AGO3: variants seen among roughly 807,000 people sequenced by gnomAD.
AGO3 encodes the protein argonaute RISC catalytic component 3, also known as protein argonaute-3.
In AGO3, 16 loss-of-function variants were observed where a neutral mutation model predicts 105.5. The observed-to-expected ratio is 0.15, with a 90% confidence interval of 0.10 to 0.23. AGO3 has a LOEUF of 0.23. AGO3 is among the 10% of genes least tolerant of loss of function. AGO3 has a pLI of 1.00. For synonymous variants in AGO3, 340 were observed against 367.3 expected, an observed-to-expected ratio of 0.93 and a Z score of 0.85; for missense variants, 534 against 1,088.0, an observed-to-expected ratio of 0.49 and a Z score of 7.16.
At chr1:35,990,047 T>C (rs1402023844) in intron 5 of AGO3, among the ~76,000 whole-genome samples, 1 of 152,168 alleles carries the variant, frequency 6.6e-6, no homozygotes, top group Non-Finnish European at 1.5e-5. Flanking sequence ...GTTGGTAGTA[T>C]CATCAACTGA....
At position 36,002,440 on chromosome 1, in the gene AGO3, A is replaced by G. The variant is rs370379169; in HGVS notation, c.659-1901A>G. Among the ~76,000 whole-genome samples the G allele has an allele frequency of 1.1e-4, 15 of 139,496 alleles. No individual in the cohort carries two copies. The East Asian group carries it at 2.8e-3, about 26-fold the overall frequency. The allele number at this position is 139,496 out of a possible 152,430, so 91.5% of individuals were successfully genotyped here. A position where few individuals can be genotyped will look rare whatever the true frequency, so the allele number is the denominator to read the frequency against. ...GGCCTCCCAGGTTCAAGCGATTCTC[A>G]TGCCTCAGCCTCCTGAGTAGCTGGG... On this transcript the variant is annotated intron_variant, in intron 5 of 18. Transcript: ENST00000373191.
At chr1:36,010,161 C>G (rs541897196) in intron 9 of AGO3, among the ~76,000 whole-genome samples, 32 of 151,852 alleles carry the variant, frequency 2.1e-4, no homozygotes, top group Non-Finnish European at 4.3e-4. Flanking sequence ...GGATGGTCTC[C>G]ATCTCCTGAC....
At chr1:36,045,645 C>T (rs1164735066) in intron 17 of AGO3, among the ~76,000 whole-genome samples, 2 of 151,924 alleles carry the variant, frequency 1.3e-5, no homozygotes, top group African/African-American at 4.8e-5. Flanking sequence ...CAGGTTCAAG[C>T]GATTCTTCTG....
chr1:36,009,026 C>T lies in AGO3; in HGVS notation c.1011C>T (p.His337=), dbSNP rs1457951267. The T allele has an allele frequency of 1.9e-6, 3 of 1,567,900 alleles. No individual in the cohort carries two copies. In the East Asian group the frequency reaches 7.1e-5, roughly 37 times the overall value. ...TGCAAGTCGGGCAGGAACAGAAACA[C>T]ACCTACCTGCCACTAGAAGTAATGC... ...PCLQVGQEQK[H]TYLPLEVCNI... is the part of the protein sequence containing the mutation. Residue 337 remains histidine, a synonymous_variant, in exon 8 of 19, where the codon CAC becomes CAT. Coordinates refer to ENST00000373191, the MANE Select transcript of AGO3 (RefSeq NM_024852.4).
chr1:36,025,421 AAC>A (rs1199993653), intron 11 of AGO3, among the ~76,000 whole-genome samples: 1,931 of 151,640 alleles, frequency 0.013, 32 homozygotes, highest in African/African-American at 0.044. Context: ...AAAAAAAAAA[AAC>A]AAAACCATTT....
At chr1:35,952,918 C>T (rs991688743) in intron 2 of AGO3, among the ~76,000 whole-genome samples, 2 of 152,086 alleles carry the variant, frequency 1.3e-5, no homozygotes, top group Admixed American at 1.3e-4. Flanking sequence ...GAATAATATT[C>T]CATTGTATGG....
intron 2 of AGO3, among the ~76,000 whole-genome samples, 200 bp from the exon 3 acceptor site, chr1:35,966,755 T>A (rs1032115978): frequency 6.6e-6 from 1 of 152,216 alleles, no homozygotes; most frequent in African/African-American, 2.4e-5. Flanking sequence ...CTTCTCTGTC[T>A]AGTGAAATGT....
chr1:35,997,451 TGCA>T (rs571224007), intron 5 of AGO3, among the ~76,000 whole-genome samples: 98 of 152,272 alleles, frequency 6.4e-4, no homozygotes, highest in African/African-American at 2.4e-3. Context: ...CAAAATGTTG[TGCA>T]GCAGCAGCAA....
chr1:35,994,180 C>T (rs971790305), intron 5 of AGO3, among the ~76,000 whole-genome samples: 2 of 148,244 alleles, frequency 1.3e-5, no homozygotes, highest in Non-Finnish European at 3.0e-5. Flanking sequence ...AACTCCTGGG[C>T]TCAAGCAATT....
At chr1:36,003,814 C>A (rs1299546173) in intron 5 of AGO3, among the ~76,000 whole-genome samples, 4 of 146,848 alleles carry the variant, frequency 2.7e-5, no homozygotes, top group Non-Finnish European at 6.0e-5. Context: ...ACAGGGAAAA[C>A]TCTCTTTAGA....
intron 8 of AGO3, among the ~76,000 whole-genome samples, 179 bp downstream of exon 8, chr1:36,009,223 A>G (rs1640476243): frequency 6.6e-6 from 1 of 152,036 alleles, no homozygotes; most frequent in African/African-American, 2.4e-5. Flanking sequence ...CCATAATCCT[A>G]CCACTCTAAT....
chr1:36,007,104 C>T (rs1640371330), intron 6 of AGO3, among the ~76,000 whole-genome samples: 1 of 152,160 alleles, frequency 6.6e-6, no homozygotes, highest in South Asian at 2.1e-4. Context: ...TCTAGTCATG[C>T]CTATCAGTTT....
chr1:36,032,662 G>C (rs1317462990), intron 12 of AGO3, among the ~76,000 whole-genome samples: 2 of 151,746 alleles, frequency 1.3e-5, no homozygotes, highest in Non-Finnish European at 2.9e-5. Context: ...TTACAGGTGT[G>C]AGACATTGCA....
At position 36,055,229 on chromosome 1, in the gene AGO3, G is replaced by C. The variant is rs770736938; in HGVS notation, c.2474+84G>C. On this transcript the variant is annotated intron_variant, in intron 18 of 18. Coordinates refer to ENST00000373191, the MANE Select transcript of AGO3 (RefSeq NM_024852.4). This position sits in a 1 kb window ranked among gnomAD's most constrained non-coding sequence, Gnocchi z 4.4. ...TTTTCAAGTTCCACAAGCTATTAGC[G>C]GAGTCAGTGATCCATGTGAAAAATG... 77 of 1,408,754 alleles carry C rather than the reference G, an allele frequency of 5.5e-5. No individual in the cohort carries two copies. The highest frequency in any genetic ancestry group is 8.0e-5 in the Admixed American group (4 of 49,844). 87.3% of individuals were successfully genotyped at this position (1,408,754 alleles called of 1,614,324 possible). A position where few individuals can be genotyped will look rare whatever the true frequency, so the allele number is the denominator to read the frequency against.
intron 1 of AGO3, among the ~76,000 whole-genome samples, chr1:35,934,746 G>A (rs1646118337): frequency 6.6e-6 from 1 of 152,022 alleles, no homozygotes; most frequent in African/African-American, 2.4e-5. Flanking sequence ...TGCCTCCTGG[G>A]TTCAAGTGAT....
In AGO3 at chr1:36,027,017, G is replaced by A. The variant is rs538844679; in HGVS notation, c.1407-97G>A. 1 of 1,373,252 alleles carries A rather than the reference G, an allele frequency of 7.3e-7. No homozygotes were observed. Among genetic ancestry groups the A allele is most frequent in the East Asian group, 2.3e-5 (1 of 43,376 alleles). The allele number at this position is 1,373,252 out of a possible 1,614,324, so 85.1% of individuals were successfully genotyped here. A position where few individuals can be genotyped will look rare whatever the true frequency, so the allele number is the denominator to read the frequency against. ...TCATATATGAAGCACACAAATCTTT[G>A]CTTCATCCTTCCATTCCCTTCCCAA... On this transcript the variant is annotated intron_variant, in intron 11 of 18. Coordinates refer to ENST00000373191, the MANE Select transcript of AGO3 (RefSeq NM_024852.4). The surrounding 1 kb of genome is among the most constrained non-coding windows in gnomAD (Gnocchi z 4.0).
At position 36,063,540 on chromosome 1, in the gene AGO3, C is replaced by T. The variant is rs1643050321; in HGVS notation, c.*7795C>T. On this transcript the variant is annotated 3_prime_UTR_variant, in exon 19 of 19. Coordinates refer to ENST00000373191, the MANE Select transcript of AGO3 (RefSeq NM_024852.4). ...AATTTGTTATATGGAAGATTTGCTACCCTGATCTTTTCCCTAGCATACTTC... is the reference window on the plus strand; with the variant it reads ...AATTTGTTATATGGAAGATTTGCTATCCTGATCTTTTCCCTAGCATACTTC... The T allele has an allele frequency of 6.6e-6, 1 of 152,086 alleles. No homozygotes were observed. Among genetic ancestry groups the T allele is most frequent in the South Asian group, 2.1e-4 (1 of 4,818 alleles). 9.4% of individuals were successfully genotyped at this position (152,086 alleles called of 1,614,324 possible).
chr1:35,931,263 C>G lies in AGO3; in HGVS notation c.-164C>G, dbSNP rs1196880077. On this transcript the variant is annotated 5_prime_UTR_variant, in exon 1 of 19. Coordinates refer to ENST00000373191, the MANE Select transcript of AGO3 (RefSeq NM_024852.4). ...GTTTTCCGTCCGCGACTCTTCCGGC[C>G]CAGAGCTTTCGGAGTGCGGTTGCTC... 2 of 513,544 alleles carry G rather than the reference C, an allele frequency of 3.9e-6. No homozygotes were observed. The highest frequency in any genetic ancestry group is 8.8e-5 in the Admixed American group (2 of 22,852). 31.8% of individuals were successfully genotyped at this position (513,544 alleles called of 1,614,324 possible).
intron 5 of AGO3, among the ~76,000 whole-genome samples, chr1:35,991,630 T>G (rs1341573448): frequency 2.0e-5 from 3 of 151,260 alleles, no homozygotes; most frequent in Admixed American, 6.6e-5. Flanking sequence ...CTTTCTGTGG[T>G]GGAAATAATT....
Sources: gnomAD v4.1 joint callset for allele counts (sites outside exome capture counted in the v4.1 genomes callset) on GRCh38, gnomAD v4.1.1 for gene constraint, Gnocchi (gnomAD v3.1) non-coding constraint, MANE v1.5 for transcripts, NCBI Gene and HGNC (gene_info 2026-07-23, HGNC 2026-07-21) for gene names.